Variants in USP54 observed in about 807,000 individuals in gnomAD.
The protein encoded by USP54 is ubiquitin specific peptidase 54.
In USP54, 87 loss-of-function variants were observed where a neutral mutation model predicts 170.5. The ratio of observed to expected loss-of-function variants is 0.51; its 90% confidence interval spans 0.43 to 0.61. The LOEUF is 0.61. Ranked by LOEUF, USP54 falls within the 20% of genes least tolerant of loss-of-function variation. The pLI, the probability that USP54 is intolerant of heterozygous loss-of-function variation, is 0.00. For missense variants in USP54, 1,786 were observed against 2,047.8 expected (o/e 0.87, Z 2.47); for synonymous variants, 655 against 742.8 (o/e 0.88, Z 1.92).
At chr10:73,513,686 T>C (rs2060585980) in intron 20 of USP54, among the ~76,000 whole-genome samples, 1 of 152,186 alleles carries the variant, frequency 6.6e-6, no homozygotes, top group South Asian at 2.1e-4. Flanking sequence ...AGTACATGTG[T>C]ATAAAAATGA....
chr10:73,576,861 T>A (rs1045334250), intron 1 of USP54, among the ~76,000 whole-genome samples: 1 of 152,238 alleles, frequency 6.6e-6, no homozygotes, highest in Admixed American at 6.5e-5. Context: ...GAAACACTGA[T>A]GGCGAGTAAA....
At chr10:73,525,129 C>CTA (rs368960865) in intron 16 of USP54, among the ~76,000 whole-genome samples, 6 of 151,804 alleles carry the variant, frequency 4.0e-5, no homozygotes, top group East Asian at 1.9e-4. Context: ...TGGTGCTTAC[C>CTA]TATATATATA....
intron 4 of USP54, among the ~76,000 whole-genome samples, chr10:73,570,869 G>A (rs910790038): frequency 5.3e-5 from 8 of 152,128 alleles, no homozygotes; most frequent in African/African-American, 1.7e-4. Context: ...TGGGCACAAT[G>A]GCTCACGCCT....
intron 20 of USP54, among the ~76,000 whole-genome samples, chr10:73,512,573 C>T (rs1285393260): frequency 1.3e-5 from 2 of 151,726 alleles, no homozygotes; most frequent in Non-Finnish European, 2.9e-5. Context: ...AGTGGCTGTT[C>T]ACAGGCATGT....
intron 4 of USP54, among the ~76,000 whole-genome samples, chr10:73,560,198 A>AT (rs1340022028): frequency 6.6e-6 from 1 of 152,210 alleles, no homozygotes; most frequent in Non-Finnish European, 1.5e-5. Context: ...ACACCACAAG[A>AT]TAACATGTAA....
chr10:73,532,692 T>G (rs1177424016), intron 12 of USP54, among the ~76,000 whole-genome samples: 1 of 152,096 alleles, frequency 6.6e-6, no homozygotes, highest in Non-Finnish European at 1.5e-5. Context: ...TAGGTCCAAC[T>G]ACCAATTTAC....
Position 73,528,696 on chromosome 10 carries a change from A to G in USP54, c.2060+984T>C, listed in dbSNP as rs150282477. On this transcript the variant is annotated intron_variant, in intron 15 of 23. Coordinates refer to ENST00000687698, the MANE Select transcript of USP54 (RefSeq NM_001391956.1). ...GCGATTCTCCTGCCTTAGCCTCCCA[A>G]GTAATTGGGATTACAGACGCCCACC... is the stretch of plus-strand genomic sequence containing the variant. Among the ~76,000 whole-genome samples, 510 of 152,146 alleles carry G rather than the reference A, an allele frequency of 3.4e-3. 2 individuals carry two copies. In the Middle Eastern group the frequency reaches 0.041, roughly 12 times the overall value.
At chr10:73,565,140 T>C (rs1487209170) in intron 4 of USP54, among the ~76,000 whole-genome samples, 1 of 151,788 alleles carries the variant, frequency 6.6e-6, no homozygotes, top group East Asian at 1.9e-4. Context: ...GTAGTATCCC[T>C]ACTTATCTTT....
chr10:73,502,790 C>A (rs1218301735), intron 22 of USP54, among the ~76,000 whole-genome samples: 8 of 152,108 alleles, frequency 5.3e-5, no homozygotes, highest in Non-Finnish European at 8.8e-5. Flanking sequence ...TTCTGCAAGT[C>A]TTTTCCTCTT....
In USP54 at chr10:73,517,046, C is replaced by G; in HGVS notation, c.3380G>C (p.Gly1127Ala). 1 of 1,614,196 alleles carries G rather than the reference C, an allele frequency of 6.2e-7. No individual in the cohort carries two copies. The highest frequency in any genetic ancestry group is 8.5e-7 in the Non-Finnish European group (1 of 1,180,048). ...CTGCTCAGCCAGAGAACGGACAAGC[C>G]CCTTTGTGCTGGGAAACTCTGGCCT... ...TYRPEFPSTK[G>A]LVRSLAEQFQ... Residue 1127 changes from glycine to alanine, a missense_variant, in exon 20 of 24, where the codon GGG becomes GCG. By Grantham distance (60) the Gly-to-Ala change is moderately conservative (BLOSUM62 0). Coordinates refer to ENST00000687698, the MANE Select transcript of USP54 (RefSeq NM_001391956.1).
chr10:73,538,785 C>G (rs992339118), intron 10 of USP54, among the ~76,000 whole-genome samples: 3 of 152,150 alleles, frequency 2.0e-5, no homozygotes, highest in Admixed American at 6.5e-5. Flanking sequence ...GCACTCCAGC[C>G]TGGGCAATAG....
At chr10:73,520,572 A>G (rs1360990400) in intron 18 of USP54, among the ~76,000 whole-genome samples, 2 of 152,226 alleles carry the variant, frequency 1.3e-5, no homozygotes, top group Admixed American at 6.5e-5. Flanking sequence ...TTTTCCTTCT[A>G]TAAGCTCCAA....
intron 12 of USP54, 46 bp downstream of exon 12, chr10:73,534,554 G>A: frequency 1.3e-6 from 2 of 1,593,492 alleles, no homozygotes; most frequent in Non-Finnish European, 8.6e-7. Flanking sequence ...GGAGATCTAT[G>A]CAGGAATTGA....
chr10:73,524,610 A>G (rs977594047), intron 16 of USP54, among the ~76,000 whole-genome samples: 3 of 152,100 alleles, frequency 2.0e-5, no homozygotes, highest in Admixed American at 1.3e-4. Flanking sequence ...CAACAACAAC[A>G]ACAACATTTA....
chr10:73,602,664 G>A (rs2079272849), intron 1 of USP54, among the ~76,000 whole-genome samples: 1 of 151,756 alleles, frequency 6.6e-6, no homozygotes, highest in African/African-American at 2.4e-5. Flanking sequence ...TTCAAGGCCA[G>A]CCTGACCAAG....
Position 73,530,475 on chromosome 10 carries a change from G to T in USP54, c.1496C>A (p.Ser499Tyr). Reference protein sequence around the residue: ...KQAPRNASKPSSSTNRLRDFK... With the variant: ...KQAPRNASKPYSSTNRLRDFK... ...ATCTCTCAGCCTGTTGGTGCTGCTG[G>T]ATGGTTTGGAGGCATTTCTAGGAGC... Residue 499 changes from serine (S) to tyrosine (Y), a missense_variant, in exon 14 of 24, where the codon TCC (serine) becomes TAC (tyrosine). By Grantham distance (144) the Ser-to-Tyr change is moderately radical. This residue lies in a region of USP54 where 1,418 missense variants were observed against 1,569.0 expected (regional missense o/e 0.90). Transcript: ENST00000687698. 6.2e-7 allele frequency: 1 copy of T among 1,613,976 alleles called. No individual in the cohort carries two copies. Among genetic ancestry groups the T allele is most frequent in the Non-Finnish European group, 8.5e-7 (1 of 1,179,968 alleles).
intron 1 of USP54, among the ~76,000 whole-genome samples, chr10:73,598,315 C>T (rs2078892089): frequency 6.6e-6 from 1 of 152,140 alleles, no homozygotes; most frequent in Non-Finnish European, 1.5e-5. Flanking sequence ...TCCTATCTCA[C>T]ACCATATGCA....
rs764045394 is a variant in USP54 at position 73,575,654 on chromosome 10, G to A, written c.5C>T (p.Ser2Phe). 5.0e-6 allele frequency: 8 copies of A among 1,599,516 alleles called. No homozygotes were observed. The highest frequency in any genetic ancestry group is 3.5e-5 in the Admixed American group (2 of 56,614). Residue 2 changes from serine (S) to phenylalanine (F), a missense_variant, in exon 3 of 24, where the codon TCT becomes TTT. By Grantham distance (155) the Ser-to-Phe change is radical. This residue lies in a region of USP54 where 361 missense variants were observed against 455.0 expected (regional missense o/e 0.79). Transcript: ENST00000687698. M[S>F]WKRNYFSGGR... ...CCCTGAAAAATAATTTCTCTTCCAA[G>A]ACATTATTGTTCACATTTAGCCTGA...
At chr10:73,558,879 A>G (rs2071968744) in intron 4 of USP54, among the ~76,000 whole-genome samples, 1 of 152,214 alleles carries the variant, frequency 6.6e-6, no homozygotes, top group African/African-American at 2.4e-5. Context: ...CAATATTAAT[A>G]CATAGACTAC....
Sources: allele counts gnomAD v4.1 joint callset (sites outside exome capture counted in the v4.1 genomes callset), GRCh38; gene constraint gnomAD v4.1.1; regional missense constraint gnomAD v4.1.1; transcripts MANE v1.5; gene names NCBI Gene and HGNC (gene_info 2026-07-23, HGNC 2026-07-21).